The following PCDHGA7 variants were observed in gnomAD, a reference collection of about 807,000 sequenced individuals.
PCDHGA7 encodes the protein protocadherin gamma-A7.
Under a neutral mutation model 58.3 loss-of-function variants are expected in PCDHGA7, and 44 were observed. The observed-to-expected ratio is 0.75, with a 90% CI of 0.59 to 0.97. The LOEUF (loss-of-function observed/expected upper bound fraction) is 0.97, where lower values mean the gene tolerates loss of function less well. Ranked by LOEUF, PCDHGA7 falls within the 50% of genes least tolerant of loss-of-function variation. The probability of loss-of-function intolerance (pLI) is 0.00; values close to 1 mark genes in which losing one functional copy is unlikely to be tolerated. For synonymous variants in PCDHGA7, 516 were observed against 504.2 expected (o/e 1.02, Z -0.31); for missense variants, 1,266 against 1,188.7 (o/e 1.06, Z -0.96).
rs915257485 is a variant in PCDHGA7, at chr5:141,476,018, A to T, written c.2425-18789A>T. ...AACGGCATCCAGAAAGCCATGTCGG[A>T]CTCGGCGCCCAGCGCCCAAGCGCTA... On this transcript the variant is annotated intron_variant, in intron 1 of 3. Transcript: ENST00000518325. This position sits in a 1 kb window ranked among gnomAD's most constrained non-coding sequence, Gnocchi z 7.6. The T allele has an allele frequency of 5.8e-6, 8 of 1,371,412 alleles. No homozygotes were observed. Among genetic ancestry groups the T allele is most frequent in the Non-Finnish European group, 7.9e-6 (8 of 1,016,908 alleles). The allele number at this position is 1,371,412 out of a possible 1,614,324, so 85.0% of individuals were successfully genotyped here.
chr5:141,430,910 G>A lies in PCDHGA7; in HGVS notation c.2424+45587G>A. The A allele has an allele frequency of 6.2e-7, 1 of 1,608,040 alleles. No homozygotes were observed. The highest frequency in any genetic ancestry group is 8.5e-7 in the Non-Finnish European group (1 of 1,177,584). On this transcript the variant is annotated intron_variant, in intron 1 of 3. Coordinates refer to ENST00000518325, the MANE Select transcript of PCDHGA7 (RefSeq NM_018920.4). ...CTCTAGGGTGGGCGACATCTCCAGG[G>A]ACCTGGGGCTGGAGCCCCGGGAGCT...
At position 141,511,423 on chromosome 5, in the gene PCDHGA7, A is replaced by G. The variant is rs1301463531; in HGVS notation, c.*250A>G. On this transcript the variant is annotated 3_prime_UTR_variant, in exon 4 of 4. Transcript: ENST00000518325. ...AATCAACTGCTGTACCCATGGGGGTAGTGGGGTTACTGTAGACACCAAGAA... is the reference window on the plus strand; with the variant it reads ...AATCAACTGCTGTACCCATGGGGGTGGTGGGGTTACTGTAGACACCAAGAA... 15 of 818,384 alleles carry G rather than the reference A, an allele frequency of 1.8e-5. No homozygotes were observed. Among genetic ancestry groups the G allele is most frequent in the East Asian group, 3.0e-5 (1 of 33,874 alleles). 50.7% of individuals were successfully genotyped at this position (818,384 alleles called of 1,614,324 possible). A position where few individuals can be genotyped will look rare whatever the true frequency, so the allele number is the denominator to read the frequency against.
chr5:141,471,790 C>T (rs1465283136), intron 1 of PCDHGA7, among the ~76,000 whole-genome samples: 1 of 152,068 alleles, frequency 6.6e-6, no homozygotes, highest in Non-Finnish European at 1.5e-5. Context: ...TATGCTATGT[C>T]ATATAAAAGA....
At chr5:141,502,001 C>T (rs2099812274) in intron 2 of PCDHGA7, among the ~76,000 whole-genome samples, 2 of 152,106 alleles carry the variant, frequency 1.3e-5, no homozygotes, top group Admixed American at 1.3e-4. Flanking sequence ...CCCTGACAAC[C>T]CGCATGCTCT....
At chr5:141,413,775 G>T in intron 1 of PCDHGA7, 1 of 1,612,878 alleles carries the variant, frequency 6.2e-7, no homozygotes, top group South Asian at 1.1e-5. Context: ...AGCTGGTACT[G>T]GAGCACTCCC....
At chr5:141,492,121 C>G (rs1205499685) in intron 1 of PCDHGA7, among the ~76,000 whole-genome samples, 1 of 152,232 alleles carries the variant, frequency 6.6e-6, no homozygotes, top group Non-Finnish European at 1.5e-5. Context: ...CGATTTCTCC[C>G]CAGCTCCCAG....
Position 141,489,992 on chromosome 5 carries a change from TC to T in PCDHGA7, c.2425-4812del. The T allele has an allele frequency of 6.2e-7, 1 of 1,614,216 alleles. No individual in the cohort carries two copies. The highest frequency in any genetic ancestry group is 8.5e-7 in the Non-Finnish European group (1 of 1,180,016). On this transcript the variant is annotated intron_variant, in intron 1 of 3. Coordinates refer to ENST00000518325, the MANE Select transcript of PCDHGA7 (RefSeq NM_018920.4). The surrounding 1 kb of genome is among the most constrained non-coding windows in gnomAD (Gnocchi z 4.5). The stretch of plus-strand genomic sequence containing the variant: ...CAATCCTCAGTTCTACGTGTGGGAA[TC>T]CCAGAGAATGCACCCATTGGTACTC...
chr5:141,415,740 G>GTTTTTTTTTTTTTTTTTT (rs57426385), intron 1 of PCDHGA7: 15 of 625,028 alleles, frequency 2.4e-5, no homozygotes, highest in African/African-American at 7.5e-5. Flanking sequence ...GTTTATTAAG[G>GTTTTTTTTTTTTTTTTTT]TTTTTTTTTT....
chr5:141,497,211 G>T (rs914346878), intron 2 of PCDHGA7, among the ~76,000 whole-genome samples: 12 of 28,538 alleles, frequency 4.2e-4, no homozygotes, highest in African/African-American at 1.1e-3. Context: ...GAGTGTAATG[G>T]GGGGGGGAAG....
At chr5:141,425,173 T>A (rs182492696) in intron 1 of PCDHGA7, among the ~76,000 whole-genome samples, 5 of 152,284 alleles carry the variant, frequency 3.3e-5, no homozygotes, top group Admixed American at 3.3e-4. Context: ...GGATTTATAC[T>A]TGTGGAATTC....
chr5:141,507,781 C>A (rs2099863256), intron 3 of PCDHGA7, among the ~76,000 whole-genome samples: 1 of 152,214 alleles, frequency 6.6e-6, no homozygotes, highest in South Asian at 2.1e-4. Flanking sequence ...CAGGGCCTGA[C>A]CCTCGTCTAA....
chr5:141,409,033 A>C, intron 1 of PCDHGA7: 1 of 1,614,028 alleles, frequency 6.2e-7, no homozygotes, highest in South Asian at 1.1e-5. Context: ...ATGCTGAGAT[A>C]AACTACTACT....
At chr5:141,403,803 T>C (rs1323082699) in intron 1 of PCDHGA7, 5 of 1,613,668 alleles carry the variant, frequency 3.1e-6, no homozygotes. Context: ...TTCTGGAAAA[T>C]TAATGAAAAA....
chr5:141,484,845 G>T (rs541372844), intron 1 of PCDHGA7, among the ~76,000 whole-genome samples: 10 of 152,076 alleles, frequency 6.6e-5, no homozygotes, highest in Admixed American at 2.6e-4. Flanking sequence ...GATAGGCTGG[G>T]TTTTTTGGGG....
intron 1 of PCDHGA7, chr5:141,398,793 A>C (rs376843278): frequency 6.2e-7 from 1 of 1,613,948 alleles, no homozygotes; most frequent in African/African-American, 1.3e-5. Context: ...ATCCACCCCT[A>C]AGCGGCACCA....
At chr5:141,456,306 G>C (rs937409031) in intron 1 of PCDHGA7, among the ~76,000 whole-genome samples, 1 of 152,158 alleles carries the variant, frequency 6.6e-6, no homozygotes, top group Non-Finnish European at 1.5e-5. Context: ...GAGAACAGCA[G>C]CTAGGGCTCC....
In PCDHGA7 at chr5:141,491,925, G is replaced by A. The variant is rs1019181943; in HGVS notation, c.2425-2882G>A. 5 of 1,325,176 alleles carry A rather than the reference G, an allele frequency of 3.8e-6. No homozygotes were observed. In the Admixed American group the frequency reaches 1.5e-4, roughly 39 times the overall value. 82.1% of individuals were successfully genotyped at this position (1,325,176 alleles called of 1,614,324 possible). A position where few individuals can be genotyped will look rare whatever the true frequency, so the allele number is the denominator to read the frequency against. On this transcript the variant is annotated intron_variant, in intron 1 of 3. Coordinates refer to ENST00000518325, the MANE Select transcript of PCDHGA7 (RefSeq NM_018920.4). The surrounding 1 kb of genome is among the most constrained non-coding windows in gnomAD (Gnocchi z 6.9). ...GGGTGGTGGCGACTGTGGGCGAGGG[G>A]AGGTGGGACCGACCCCCACCCCTAC...
intron 1 of PCDHGA7, chr5:141,405,106 C>G: frequency 6.2e-7 from 1 of 1,613,964 alleles, no homozygotes; most frequent in Non-Finnish European, 8.5e-7. Flanking sequence ...GGCTGAGGCA[C>G]TGGCACTCCT....
At chr5:141,429,039 A>G (rs565483195) in intron 1 of PCDHGA7, 1 of 152,202 alleles carries the variant, frequency 6.6e-6, no homozygotes, top group East Asian at 1.9e-4. Flanking sequence ...CATTTTTAGT[A>G]CAGACGGGGT....
Sources: gnomAD v4.1 joint callset for allele counts (sites outside exome capture counted in the v4.1 genomes callset) on GRCh38, gnomAD v4.1.1 for gene constraint, Gnocchi (gnomAD v3.1) non-coding constraint, MANE v1.5 for transcripts, NCBI Gene and HGNC (gene_info 2026-07-23, HGNC 2026-07-21) for gene names.